SLC60A2: variants seen among roughly 807,000 people sequenced by gnomAD.
SLC60A2 encodes the protein major facilitator superfamily domain containing 4B.
chr6:111,260,414 G>A, the SLC60A2 span, among the ~76,000 whole-genome samples: 1 of 152,192 alleles, frequency 6.6e-6, no homozygotes, highest in African/African-American at 2.4e-5. Flanking sequence ...GGCCCGGAGG[G>A]GAAAGTGACT....
the SLC60A2 span, among the ~76,000 whole-genome samples, chr6:111,272,301 C>G: frequency 7.2e-5 from 11 of 151,946 alleles, no homozygotes; most frequent in African/African-American, 2.7e-4. Context: ...CCATGCCCAG[C>G]CCACCTGTGA....
At chr6:111,261,590 A>G in the SLC60A2 span, among the ~76,000 whole-genome samples, 1 of 151,874 alleles carries the variant, frequency 6.6e-6, no homozygotes, top group Non-Finnish European at 1.5e-5. Context: ...GACTTAATTT[A>G]ATTAATTAAT....
At chr6:111,271,103 C>T in the SLC60A2 span, 23 of 124,352 alleles carry the variant, frequency 1.8e-4, no homozygotes, top group African/African-American at 4.3e-4. Flanking sequence ...AGGCCGGGTG[C>T]GGTGGCTCAC....
At chr6:111,263,694 T>C in the SLC60A2 span, 2 of 547,822 alleles carry the variant, frequency 3.7e-6, no homozygotes, top group African/African-American at 1.9e-5. Context: ...TAATCACTTT[T>C]AGAAGCAAAA....
chr6:111,266,107 T>A, the SLC60A2 span: 37,094 of 1,614,178 alleles, frequency 0.023, 493 homozygotes, highest in Non-Finnish European at 0.027. Flanking sequence ...GATAAGAATT[T>A]ACTGTGGGCT....
the SLC60A2 span, among the ~76,000 whole-genome samples, chr6:111,261,946 T>C: frequency 1.3e-5 from 2 of 152,326 alleles, no homozygotes; most frequent in East Asian, 1.9e-4. Context: ...TATTTCAAAA[T>C]GTACGAAACC....
chr6:111,273,280 A>C, the SLC60A2 span, among the ~76,000 whole-genome samples: 1 of 152,008 alleles, frequency 6.6e-6, no homozygotes, highest in Non-Finnish European at 1.5e-5. Flanking sequence ...CTTCTGAGCA[A>C]CTAGGATTAC....
chr6:111,267,292 A>T, the SLC60A2 span: 732 of 579,022 alleles, frequency 1.3e-3, 3 homozygotes, highest in Non-Finnish European at 1.7e-3. Flanking sequence ...AGTCTTCCAT[A>T]AATAACCAAA....
At chr6:111,277,735 T>C in the SLC60A2 span, among the ~76,000 whole-genome samples, 213 of 152,350 alleles carry the variant, frequency 1.4e-3, 1 homozygote, top group African/African-American at 5.0e-3. Flanking sequence ...TGTTTGTTCA[T>C]TTCTAGTACT....
At chr6:111,277,074 T>C in the SLC60A2 span, among the ~76,000 whole-genome samples, 1 of 152,210 alleles carries the variant, frequency 6.6e-6, no homozygotes, top group African/African-American at 2.4e-5. Flanking sequence ...ATTGCTCCCA[T>C]CCAGAAAGTG....
chr6:111,259,630 A>G, the SLC60A2 span: 2 of 1,505,362 alleles, frequency 1.3e-6, no homozygotes, highest in Non-Finnish European at 1.8e-6. Flanking sequence ...AATGAGCCGG[A>G]GCCGGAGGTG....
the SLC60A2 span, chr6:111,267,824 A>C: frequency 6.6e-6 from 1 of 152,182 alleles, no homozygotes; most frequent in Non-Finnish European, 1.5e-5. Flanking sequence ...CCGTCTCAAA[A>C]AAGAAATGGA....
chr6:111,268,740 T>C, the SLC60A2 span: 1 of 152,190 alleles, frequency 6.6e-6, no homozygotes, highest in African/African-American at 2.4e-5. Context: ...AAGTGTAATT[T>C]ACAGTGAGGC....
At chr6:111,279,904 C>A in the SLC60A2 span, among the ~76,000 whole-genome samples, 1 of 152,120 alleles carries the variant, frequency 6.6e-6, no homozygotes, top group Non-Finnish European at 1.5e-5. Context: ...CACACCACTG[C>A]ATGAGTGAGA....
At chr6:111,261,271 A>G in the SLC60A2 span, among the ~76,000 whole-genome samples, 1 of 152,194 alleles carries the variant, frequency 6.6e-6, no homozygotes. Context: ...GTGCATCCAG[A>G]AATATTGCTG....
At chr6:111,266,883 A>C in the SLC60A2 span, 1 of 1,613,970 alleles carries the variant, frequency 6.2e-7, no homozygotes. Context: ...TGAGGAAGAG[A>C]ATGAAGAGGA....
the SLC60A2 span, among the ~76,000 whole-genome samples, chr6:111,274,438 GT>G: frequency 3.3e-5 from 5 of 152,088 alleles, no homozygotes; most frequent in Admixed American, 3.3e-4. Flanking sequence ...GGGTAATGGG[GT>G]TTTTTGTTTT....
chr6:111,262,258 G>A, the SLC60A2 span: 1 of 1,609,222 alleles, frequency 6.2e-7, no homozygotes, highest in Non-Finnish European at 8.5e-7. Context: ...AAATTTTAGG[G>A]ATTGAGTGTT....
At chr6:111,274,947 G>A in the SLC60A2 span, among the ~76,000 whole-genome samples, 1 of 152,032 alleles carries the variant, frequency 6.6e-6, no homozygotes, top group Non-Finnish European at 1.5e-5. Flanking sequence ...TTTAGAGACA[G>A]GATCTCCCTC....
Sources: allele counts gnomAD v4.1 joint callset (sites outside exome capture counted in the v4.1 genomes callset), GRCh38; gene constraint gnomAD v4.1.1; transcripts MANE v1.5; gene names NCBI Gene and HGNC (gene_info 2026-07-23, HGNC 2026-07-21).